Variants in PCDHGB5 observed in about 807,000 individuals in gnomAD.
PCDHGB5 encodes the protein protocadherin gamma subfamily B, 5.
A neutral mutation model predicts 62.9 loss-of-function variants in PCDHGB5; 48 were observed. That is an observed-to-expected ratio of 0.76 (90% CI 0.61 to 0.97). The LOEUF (loss-of-function observed/expected upper bound fraction) is 0.97. Ranked by LOEUF, PCDHGB5 falls within the 50% of genes least tolerant of loss-of-function variation. The pLI, the probability that PCDHGB5 is intolerant of heterozygous loss-of-function variation, is 0.00. For synonymous variants in PCDHGB5, 474 were observed against 511.2 expected, an observed-to-expected ratio of 0.93 and a Z score of 0.98; for missense variants, 1,118 against 1,198.6, an observed-to-expected ratio of 0.93 and a Z score of 0.99.
At chr5:141,456,971 A>G (rs1031714073) in intron 1 of PCDHGB5, among the ~76,000 whole-genome samples, 1 of 147,384 alleles carries the variant, frequency 6.8e-6, no homozygotes, top group Non-Finnish European at 1.5e-5. Context: ...TCAAAACAAA[A>G]CAAACAAACA....
rs1686238986 is a variant in PCDHGB5 at position 141,431,536 on chromosome 5, G to A, written c.2397+31012G>A. The A allele has an allele frequency of 6.2e-7, 1 of 1,614,070 alleles. No homozygotes were observed. Among genetic ancestry groups the A allele is most frequent in the African/African-American group, 1.3e-5 (1 of 75,064 alleles). On this transcript the variant is annotated intron_variant, in intron 1 of 3. Transcript: ENST00000617380. The surrounding 1 kb of genome is among the most constrained non-coding windows in gnomAD (Gnocchi z 4.8). ...TTCCGGAGAATCTGGCCTTGGGCAC[G>A]CAGCTGCTTGTAGTCAACGCTACCG... is the stretch of plus-strand genomic sequence containing the variant.
intron 3 of PCDHGB5, among the ~76,000 whole-genome samples, chr5:141,509,807 C>T (rs369661041): frequency 2.0e-5 from 3 of 152,104 alleles, no homozygotes; most frequent in Non-Finnish European, 4.4e-5. Context: ...TTCATAGAGC[C>T]GAGCTCTTCT....
chr5:141,444,915 T>C (rs1262912255), intron 1 of PCDHGB5, among the ~76,000 whole-genome samples: 1 of 152,174 alleles, frequency 6.6e-6, no homozygotes, highest in East Asian at 1.9e-4. Flanking sequence ...TCTATACCTT[T>C]ATCAGGGAAA....
chr5:141,465,800 C>T (rs1486100601), intron 1 of PCDHGB5, among the ~76,000 whole-genome samples: 1 of 151,524 alleles, frequency 6.6e-6, no homozygotes, highest in African/African-American at 2.4e-5. Flanking sequence ...TTTAAGAAAC[C>T]CTTCAGGATC....
intron 1 of PCDHGB5, among the ~76,000 whole-genome samples, chr5:141,469,599 A>G (rs2099206392): frequency 6.6e-6 from 1 of 152,192 alleles, no homozygotes; most frequent in Non-Finnish European, 1.5e-5. Flanking sequence ...ATAAAACAAA[A>G]TAAGTAAAAT....
chr5:141,404,029 C>T (rs1363448), intron 1 of PCDHGB5: 736,203 of 1,612,620 alleles, frequency 0.46, 175,243 homozygotes, highest in African/African-American at 0.8. Flanking sequence ...TGAGAGAAGA[C>T]GCACCTCAGG....
chr5:141,409,552 A>G, intron 1 of PCDHGB5: 8 of 1,613,962 alleles, frequency 5.0e-6, no homozygotes, highest in Non-Finnish European at 6.8e-6. Flanking sequence ...ACAACGCCCC[A>G]GTTTTCGACC....
At chr5:141,475,448 G>C (rs774710049) in intron 1 of PCDHGB5, among the ~76,000 whole-genome samples, 1 of 152,214 alleles carries the variant, frequency 6.6e-6, no homozygotes, top group African/African-American at 2.4e-5. Context: ...CAGATAATGA[G>C]GAAGTGACAG....
rs764843194 is a variant in PCDHGB5 at position 141,490,530 on chromosome 5, T to A, written c.2398-4277T>A. 1.2e-6 allele frequency: 2 copies of A among 1,613,794 alleles called. No individual in the cohort carries two copies. Among genetic ancestry groups the A allele is most frequent in the African/African-American group, 2.7e-5 (2 of 74,846 alleles). ...TCGAGCTGCTGGCCAGCGATGCTGG[T>A]TCACCTTCCCTACACAAACATCTCA... On this transcript the variant is annotated intron_variant, in intron 1 of 3. Coordinates refer to ENST00000617380, the MANE Select transcript of PCDHGB5 (RefSeq NM_018925.3). This position sits in a 1 kb window ranked among gnomAD's most constrained non-coding sequence, Gnocchi z 5.4.
Position 141,431,103 on chromosome 5 carries a change from A to C in PCDHGB5, c.2397+30579A>C, listed in dbSNP as rs769542343. On this transcript the variant is annotated intron_variant, in intron 1 of 3. Coordinates refer to ENST00000617380, the MANE Select transcript of PCDHGB5 (RefSeq NM_018925.3). This position sits in a 1 kb window ranked among gnomAD's most constrained non-coding sequence, Gnocchi z 4.8. ...GACATTCTGATGGAGGATAAAGTGA[A>C]AATATATGGAGTAGAAGTAGAAGTA... 6.2e-7 allele frequency: 1 copy of C among 1,614,246 alleles called. No individual in the cohort carries two copies.
At chr5:141,450,727 T>G (rs1592137328) in intron 1 of PCDHGB5, among the ~76,000 whole-genome samples, 1 of 152,080 alleles carries the variant, frequency 6.6e-6, no homozygotes, top group Non-Finnish European at 1.5e-5. Flanking sequence ...CCTCAGGTGA[T>G]CCGCCCGCCT....
intron 3 of PCDHGB5, 46 bp downstream of exon 3, chr5:141,505,527 T>C: frequency 6.2e-7 from 1 of 1,612,388 alleles, no homozygotes; most frequent in Non-Finnish European, 8.5e-7. Context: ...GACCTGGGGT[T>C]CTGGGGTGCA....
chr5:141,492,632 C>G (rs1359761285), intron 1 of PCDHGB5, among the ~76,000 whole-genome samples: 1 of 152,256 alleles, frequency 6.6e-6, no homozygotes, highest in Non-Finnish European at 1.5e-5. Flanking sequence ...CAGGACTCTA[C>G]GATCCTTGGG....
chr5:141,446,458 G>A (rs2098502933), intron 1 of PCDHGB5, among the ~76,000 whole-genome samples: 1 of 151,662 alleles, frequency 6.6e-6, no homozygotes, highest in African/African-American at 2.4e-5. Flanking sequence ...TATTCAGTGT[G>A]TGATTAGACA....
chr5:141,409,571 T>TACGTGGTCC (rs2095286242), intron 1 of PCDHGB5: 2 of 1,613,932 alleles, frequency 1.2e-6, no homozygotes, highest in East Asian at 4.5e-5. Context: ...CCAGACGTCC[T>TACGTGGTCC]ACGTGGTCCA....
At chr5:141,449,450 T>C (rs1269861041) in intron 1 of PCDHGB5, among the ~76,000 whole-genome samples, 2 of 151,216 alleles carry the variant, frequency 1.3e-5, no homozygotes, top group Non-Finnish European at 2.9e-5. Context: ...CTACTAAAAA[T>C]ACAAAAATTA....
chr5:141,463,653 G>A (rs1378583183), intron 1 of PCDHGB5, among the ~76,000 whole-genome samples: 2 of 151,764 alleles, frequency 1.3e-5, no homozygotes, highest in Admixed American at 6.6e-5. Context: ...GGGTTTCACC[G>A]TGTTAGCCAG....
At chr5:141,403,104 A>T in intron 1 of PCDHGB5, 1 of 1,614,038 alleles carries the variant, frequency 6.2e-7, no homozygotes. Flanking sequence ...ATCTCCAAGG[A>T]CCTGGCTCTG....
intron 1 of PCDHGB5, among the ~76,000 whole-genome samples, chr5:141,450,832 T>TTATTA (rs764784095): frequency 5.6e-5 from 8 of 142,316 alleles, no homozygotes; most frequent in African/African-American, 2.2e-4. Context: ...TATTATTATT[T>TTATTA]TTTTTTTTTT....
Sources: gnomAD v4.1 joint callset for allele counts (sites outside exome capture counted in the v4.1 genomes callset) on GRCh38, gnomAD v4.1.1 for gene constraint, Gnocchi (gnomAD v3.1) non-coding constraint, MANE v1.5 for transcripts, NCBI Gene and HGNC (gene_info 2026-07-23, HGNC 2026-07-21) for gene names.